NDFIP2: variants seen among roughly 807,000 people sequenced by gnomAD.
NDFIP2 encodes NEDD4 family-interacting protein 2.
A neutral mutation model predicts 36.0 loss-of-function variants in NDFIP2; 19 were observed. The ratio of observed to expected loss-of-function variants is 0.53; its 90% CI spans 0.37 to 0.77. NDFIP2 has a LOEUF of 0.77. Among genes scored for constraint, NDFIP2 ranks in the 30% least tolerant of loss-of-function variants. The probability of loss-of-function intolerance (pLI) is 0.00; values close to 1 mark genes in which losing one functional copy is unlikely to be tolerated. For synonymous variants in NDFIP2, 181 were observed against 167.7 expected, an observed-to-expected ratio of 1.08 and a Z score of -0.61; for missense variants, 446 against 435.8, an observed-to-expected ratio of 1.02 and a Z score of -0.21.
At chr13:79,490,577 A>G (rs1873187112) in intron 1 of NDFIP2, among the ~76,000 whole-genome samples, 1 of 152,126 alleles carries the variant, frequency 6.6e-6, no homozygotes, top group Non-Finnish European at 1.5e-5. Flanking sequence ...GTGCAGCAGT[A>G]TCCATACCAA....
intron 1 of NDFIP2, among the ~76,000 whole-genome samples, chr13:79,484,927 G>A (rs921520909): frequency 1.3e-5 from 2 of 152,140 alleles, no homozygotes; most frequent in Non-Finnish European, 2.9e-5. Flanking sequence ...TATAATACAT[G>A]TGTAAAACAT....
intron 1 of NDFIP2, among the ~76,000 whole-genome samples, chr13:79,516,622 T>C (rs147718160): frequency 6.6e-6 from 1 of 152,244 alleles, no homozygotes; most frequent in African/African-American, 2.4e-5. Flanking sequence ...TACATATTCA[T>C]TGGTTTTTTA....
chr13:79,551,025 C>T lies in NDFIP2; in HGVS notation c.916C>T (p.Leu306Phe). The change falls in exon 7 of 8, where the codon CTT (leucine) becomes TTT (phenylalanine). Residue 306 changes from leucine (L) to phenylalanine (F), a missense_variant. Coordinates refer to ENST00000218652, the MANE Select transcript of NDFIP2 (RefSeq NM_019080.3). ...TATTTCAACCTTCTCAGGCCTGCTC[C>T]TTTTCTTCAGAGGATTTGTTAATTA... Reference protein sequence around the residue: ...WWIFLVLGLLLFFRGFVNYLK... With the variant: ...WWIFLVLGLLFFFRGFVNYLK... The T allele has an allele frequency of 1.9e-6, 3 of 1,595,084 alleles. No homozygotes were observed. Among genetic ancestry groups the T allele is most frequent in the Non-Finnish European group, 2.6e-6 (3 of 1,169,906 alleles).
At chr13:79,497,039 C>G (rs970088197) in intron 1 of NDFIP2, among the ~76,000 whole-genome samples, 19 of 151,924 alleles carry the variant, frequency 1.3e-4, no homozygotes, top group Non-Finnish European at 5.9e-5. Context: ...GATTGCCTTT[C>G]CCCCAGAGAA....
At chr13:79,481,646 T>A (rs1054563693) in intron 1 of NDFIP2, 122 bp downstream of exon 1, 16 of 1,235,296 alleles carry the variant, frequency 1.3e-5, no homozygotes, top group South Asian at 7.2e-5. Context: ...TTTTGTTTTG[T>A]TTTTTTGGAT....
intron 3 of NDFIP2, among the ~76,000 whole-genome samples, chr13:79,534,557 A>G (rs917482757): frequency 9.2e-5 from 14 of 152,144 alleles, no homozygotes; most frequent in Non-Finnish European, 1.6e-4. Flanking sequence ...GCAGCCAGGT[A>G]AGAGGCAGAA....
chr13:79,481,487 TGGATCACCACCA>T lies in NDFIP2; in HGVS notation c.286_297del (p.Asp96_Gln99del). The T allele has an allele frequency of 6.4e-7, 1 of 1,560,300 alleles. No homozygotes were observed. The highest frequency in any genetic ancestry group is 1.2e-5 in the South Asian group (1 of 84,642). Reference sequence around the variant, plus strand: ...AAGCCGGATCCCGAGCCGGGCAGGATGGATCACCACCAGCCGGGGACTGGGCGCTACCAGGTG... The same window carrying T: ...AAGCCGGATCCCGAGCCGGGCAGGATGCCGGGGACTGGGCGCTACCAGGTG... On this transcript the variant is annotated inframe_deletion, in exon 1 of 8. Transcript: ENST00000218652.
At chr13:79,482,169 C>CTTTTTTTTTTTTTTTTTTTT (rs10558361) in intron 1 of NDFIP2, among the ~76,000 whole-genome samples, 1 of 75,886 alleles carries the variant, frequency 1.3e-5, no homozygotes, top group Admixed American at 1.5e-4. Flanking sequence ...TTCTTTCTTT[C>CTTTTTTTTTTTTTTTTTTTT]TTTTTTTTTT....
At chr13:79,491,823 ATGT>A (rs1235743436) in intron 1 of NDFIP2, among the ~76,000 whole-genome samples, 1 of 152,148 alleles carries the variant, frequency 6.6e-6, no homozygotes, top group Non-Finnish European at 1.5e-5. Context: ...TTTTCGGGCC[ATGT>A]TGTTATGGTT....
At chr13:79,514,369 C>G (rs1018651352) in intron 1 of NDFIP2, among the ~76,000 whole-genome samples, 1 of 152,120 alleles carries the variant, frequency 6.6e-6, no homozygotes, top group African/African-American at 2.4e-5. Context: ...GGGGGACTTA[C>G]TTTTATTTAA....
At chr13:79,487,505 G>A (rs1163688972) in intron 1 of NDFIP2, among the ~76,000 whole-genome samples, 1 of 152,136 alleles carries the variant, frequency 6.6e-6, no homozygotes, top group Non-Finnish European at 1.5e-5. Context: ...AAAGCTGATA[G>A]GAATGAATAT....
chr13:79,483,980 A>T (rs977872277), intron 1 of NDFIP2, among the ~76,000 whole-genome samples: 1 of 152,056 alleles, frequency 6.6e-6, no homozygotes, highest in Non-Finnish European at 1.5e-5. Context: ...GCTAGACCAC[A>T]TTCTAACTTT....
chr13:79,535,417 A>G (rs1387156631), intron 3 of NDFIP2, among the ~76,000 whole-genome samples: 1 of 152,168 alleles, frequency 6.6e-6, no homozygotes, highest in Non-Finnish European at 1.5e-5. Context: ...TTACTGTTCC[A>G]TTCCCTCATT....
chr13:79,533,309 A>C lies in NDFIP2; in HGVS notation c.488-14A>C. Reference sequence around the variant, plus strand: ...TAGATTTTATTGGTTATTCTTTTTGAATTCTTTCTTCAGATACAGAAGTTT... The same window carrying C: ...TAGATTTTATTGGTTATTCTTTTTGCATTCTTTCTTCAGATACAGAAGTTT... On this transcript the variant is annotated splice_polypyrimidine_tract_variant and intron_variant, in intron 2 of 7. Transcript: ENST00000218652. 1 of 1,586,386 alleles carries C rather than the reference A, an allele frequency of 6.3e-7. No individual in the cohort carries two copies. Among genetic ancestry groups the C allele is most frequent in the Non-Finnish European group, 8.5e-7 (1 of 1,171,144 alleles).
chr13:79,509,690 T>TAGAGAG (rs71106101), intron 1 of NDFIP2, among the ~76,000 whole-genome samples: 3,926 of 147,866 alleles, frequency 0.027, 67 homozygotes, highest in African/African-American at 0.05. Flanking sequence ...TATATATATA[T>TAGAGAG]AGAGAGAGAG....
chr13:79,519,481 A>G (rs942129886), intron 1 of NDFIP2, among the ~76,000 whole-genome samples: 1 of 152,238 alleles, frequency 6.6e-6, no homozygotes, highest in Non-Finnish European at 1.5e-5. Flanking sequence ...AAAGTTTACC[A>G]TAAATGAAGT....
rs1192933098 is a variant in NDFIP2 at position 79,553,731 on chromosome 13, G to A, written c.*1218G>A. The A allele has an allele frequency of 6.6e-6, 1 of 151,972 alleles. No homozygotes were observed. 9.4% of individuals were successfully genotyped at this position (151,972 alleles called of 1,614,324 possible). A position where few individuals can be genotyped will look rare whatever the true frequency, so the allele number is the denominator to read the frequency against. ...GGGTCTGTGTGTGTAGTGAGAGTGT[G>A]TAGCCACTATTATAACTGGAATTTA... is the stretch of plus-strand genomic sequence containing the variant. On this transcript the variant is annotated 3_prime_UTR_variant, in exon 8 of 8. Coordinates refer to ENST00000218652, the MANE Select transcript of NDFIP2 (RefSeq NM_019080.3).
At chr13:79,509,661 A>G (rs77093882) in intron 1 of NDFIP2, among the ~76,000 whole-genome samples, 3,511 of 147,020 alleles carry the variant, frequency 0.024, 40 homozygotes, top group African/African-American at 0.03. Flanking sequence ...CAGAACTAAT[A>G]GGATGTATAT....
chr13:79,521,893 C>T (rs1353270694), intron 2 of NDFIP2, among the ~76,000 whole-genome samples: 6 of 148,572 alleles, frequency 4.0e-5, no homozygotes, highest in Middle Eastern at 3.4e-3. Flanking sequence ...GGCCCAATCT[C>T]GGCTCACTGC....
Sources: allele counts gnomAD v4.1 joint callset (sites outside exome capture counted in the v4.1 genomes callset), GRCh38; gene constraint gnomAD v4.1.1; transcripts MANE v1.5; gene names NCBI Gene and HGNC (gene_info 2026-07-23, HGNC 2026-07-21).